Variants in GAK observed in about 807,000 individuals in gnomAD.
GAK encodes cyclin-G-associated kinase.
In GAK, 79 loss-of-function variants were observed where a neutral mutation model predicts 143.9. The observed-to-expected ratio is 0.55, with a 90% CI of 0.46 to 0.66. The LOEUF is 0.66. Among genes scored for constraint, GAK ranks in the 30% least tolerant of loss-of-function variants. The pLI, the probability that GAK is intolerant of heterozygous loss-of-function variation, is 0.00. For missense variants in GAK, 1,693 were observed against 1,779.7 expected (o/e 0.95, Z 0.88); for synonymous variants, 881 against 765.5 (o/e 1.15, Z -2.49).
intron 1 of GAK, among the ~76,000 whole-genome samples, chr4:926,222 C>T (rs1424277717): frequency 5.3e-5 from 8 of 152,210 alleles, no homozygotes; most frequent in Non-Finnish European, 1.0e-4. Flanking sequence ...CAAGAGTGAC[C>T]TCCCTGTATG....
At chr4:902,474 C>T (rs1234449072) in intron 5 of GAK, among the ~76,000 whole-genome samples, 5 of 150,488 alleles carry the variant, frequency 3.3e-5, no homozygotes, top group Admixed American at 1.3e-4. Flanking sequence ...GCGTGGTGTG[C>T]GCCTGTGGTC....
chr4:888,784 G>C (rs560098576), intron 11 of GAK, 63 bp downstream of exon 11: 2 of 1,548,662 alleles, frequency 1.3e-6, no homozygotes, highest in East Asian at 4.7e-5. Flanking sequence ...AGGAAGCAAG[G>C]GCCGGGGCTG....
chr4:922,777 A>T (rs1724112404), intron 1 of GAK, among the ~76,000 whole-genome samples: 1 of 152,264 alleles, frequency 6.6e-6, no homozygotes, highest in Admixed American at 6.5e-5. Context: ...TAATTACCAC[A>T]CATGAACCAG....
Position 898,149 on chromosome 4 carries a change from A to G in GAK, c.535T>C (p.Leu179=). 2 of 1,614,048 alleles carry G rather than the reference A, an allele frequency of 1.2e-6. No individual in the cohort carries two copies. Among genetic ancestry groups the G allele is most frequent in the Non-Finnish European group, 1.7e-6 (2 of 1,179,916 alleles). ...ATGGTCCCTTGGTTACTAAGCAACA[A>G]GTTCTCAACCTGTAAAATTCCACAA... ...IIHRDLKVEN[L]LLSNQGTIKL... The change falls in exon 6 of 28, where the codon TTG becomes CTG. Residue 179 remains leucine (L), a synonymous_variant. Transcript: ENST00000314167.
At chr4:876,880 C>T (rs1252204450) in intron 17 of GAK, among the ~76,000 whole-genome samples, 2 of 152,242 alleles carry the variant, frequency 1.3e-5, no homozygotes, top group African/African-American at 4.8e-5. Flanking sequence ...TCGATGGAAA[C>T]GCCAGGCTTT....
intron 1 of GAK, among the ~76,000 whole-genome samples, chr4:914,359 G>A (rs1384672753): frequency 1.3e-4 from 12 of 94,162 alleles, no homozygotes; most frequent in South Asian, 4.1e-4. Flanking sequence ...CAGCCCCAGC[G>A]TGCACGGCCC....
intron 23 of GAK, among the ~76,000 whole-genome samples, chr4:862,743 A>G (rs1207058390): frequency 6.6e-6 from 1 of 152,136 alleles, no homozygotes; most frequent in Non-Finnish European, 1.5e-5. Context: ...ATCTGTGTAC[A>G]GCATGGTTTA....
At chr4:888,416 C>G (rs1264037102) in intron 11 of GAK, 1 of 176,756 alleles carries the variant, frequency 5.7e-6, no homozygotes, top group African/African-American at 2.4e-5. Context: ...ACAGCCCACC[C>G]AGAGGGAGAC....
chr4:854,430 T>C (rs893590524), intron 24 of GAK, among the ~76,000 whole-genome samples: 2 of 152,192 alleles, frequency 1.3e-5, no homozygotes, highest in Non-Finnish European at 2.9e-5. Context: ...CTTATGGGTG[T>C]GGTTTGGGTG....
intron 7 of GAK, 71 bp from the exon 8 acceptor site, chr4:894,080 A>G (rs11726912): frequency 7.2e-7 from 1 of 1,382,996 alleles, no homozygotes; most frequent in African/African-American, 1.7e-5. Context: ...CTGCGGGGAG[A>G]GCAGGGGTGA....
intron 23 of GAK, among the ~76,000 whole-genome samples, chr4:862,874 G>A (rs1323451830): frequency 7.2e-5 from 11 of 152,238 alleles, no homozygotes; most frequent in African/African-American, 9.6e-5. Flanking sequence ...TGACAGAGAC[G>A]TACGCAGACA....
At chr4:907,350 A>T (rs1376512196) in intron 4 of GAK, among the ~76,000 whole-genome samples, 2 of 152,090 alleles carry the variant, frequency 1.3e-5, no homozygotes, top group African/African-American at 4.8e-5. Context: ...CTTTGTGCTG[A>T]CCCTCTGAGA....
intron 1 of GAK, among the ~76,000 whole-genome samples, chr4:924,765 C>T (rs987273573): frequency 3.3e-5 from 5 of 151,370 alleles, no homozygotes; most frequent in South Asian, 2.1e-4. Flanking sequence ...GAGTTCCTCC[C>T]GGGGCTGCTC....
intron 18 of GAK, 132 bp downstream of exon 18, chr4:876,398 A>G: frequency 1.4e-6 from 1 of 740,140 alleles, no homozygotes; most frequent in Non-Finnish European, 2.3e-6. Flanking sequence ...GCCCAGGAAC[A>G]GGCCCAGAGC....
At chr4:855,573 T>A (rs1280653228) in intron 24 of GAK, among the ~76,000 whole-genome samples, 1 of 152,194 alleles carries the variant, frequency 6.6e-6, no homozygotes, top group Non-Finnish European at 1.5e-5. Flanking sequence ...GTAACTTTGA[T>A]CTCCTTTTCT....
At chr4:853,157 G>A (rs902632753) in intron 24 of GAK, 3 of 152,158 alleles carry the variant, frequency 2.0e-5, no homozygotes, top group Non-Finnish European at 2.9e-5. Context: ...TCTAGAAGGG[G>A]ACCAACAGCT....
At chr4:864,865 GTGC>G (rs1037796008) in intron 23 of GAK, among the ~76,000 whole-genome samples, 3 of 152,236 alleles carry the variant, frequency 2.0e-5, no homozygotes, top group African/African-American at 7.2e-5. Flanking sequence ...CCCTTCGGGG[GTGC>G]TGCTGATGCT....
At chr4:870,051 GCACA>G (rs748231786) in intron 19 of GAK, 5 of 152,978 alleles carry the variant, frequency 3.3e-5, no homozygotes, top group Non-Finnish European at 5.8e-5. Context: ...AATGCACACA[GCACA>G]CAGATACACA....
Position 888,906 on chromosome 4 carries a change from T to C in GAK, c.1146A>G (p.Thr382=), listed in dbSNP as rs1396129471. The C allele has an allele frequency of 6.8e-6, 11 of 1,612,528 alleles. No individual in the cohort carries two copies. Among genetic ancestry groups the C allele is most frequent in the Middle Eastern group, 1.6e-4 (1 of 6,062 alleles). The change falls in exon 11 of 28, where the codon ACA becomes ACG. Residue 382 remains threonine (T), a synonymous_variant. Transcript: ENST00000314167. The stretch of plus-strand genomic sequence containing the variant: ...CCTTGAGGTTGGTGAAGAGCCGCTC[T>C]GTCCCACCCCGCAGAATGTCCAGGA... The part of the protein sequence containing the change: ...GGFLDILRGG[T]ERLFTNLKDT...
Sources: gnomAD v4.1 joint callset for allele counts (sites outside exome capture counted in the v4.1 genomes callset) on GRCh38, gnomAD v4.1.1 for gene constraint, MANE v1.5 for transcripts, NCBI Gene and HGNC (gene_info 2026-07-23, HGNC 2026-07-21) for gene names.